Variants in ARHGEF7 observed in about 807,000 individuals in gnomAD.
ARHGEF7 encodes the protein Rho guanine nucleotide exchange factor 7, also known as PAK-interacting exchange factor beta.
ARHGEF7 carries 33 observed loss-of-function variants against 109.8 expected under a neutral mutation model. The ratio of observed to expected loss-of-function variants is 0.30; its 90% CI spans 0.23 to 0.40. The LOEUF is 0.40. Ranked by LOEUF, ARHGEF7 falls within the 10% of genes least tolerant of loss-of-function variation. The pLI is 1.00. For missense variants in ARHGEF7, 938 were observed against 1,098.5 expected (o/e 0.85, Z 2.07); for synonymous variants, 458 against 424.6 (o/e 1.08, Z -0.97).
chr13:111,204,607 G>C (rs2081562492), intron 2 of ARHGEF7, among the ~76,000 whole-genome samples: 1 of 152,178 alleles, frequency 6.6e-6, no homozygotes, highest in African/African-American at 2.4e-5. Flanking sequence ...CTCCAGGATG[G>C]TGGTGGGAAG....
At chr13:111,175,768 A>G (rs1935800210) in intron 2 of ARHGEF7, among the ~76,000 whole-genome samples, 1 of 152,202 alleles carries the variant, frequency 6.6e-6, no homozygotes, top group South Asian at 2.1e-4. Flanking sequence ...GTCTGTTCTC[A>G]CACTGCTATA....
At chr13:111,169,127 C>T (rs752440045) in intron 2 of ARHGEF7, among the ~76,000 whole-genome samples, 11 of 152,084 alleles carry the variant, frequency 7.2e-5, no homozygotes, top group Non-Finnish European at 1.3e-4. Context: ...GAGGCAAATC[C>T]GTTTAACATG....
chr13:111,193,834 A>G (rs2153450160), intron 2 of ARHGEF7, among the ~76,000 whole-genome samples: 1 of 152,286 alleles, frequency 6.6e-6, no homozygotes, highest in Middle Eastern at 3.4e-3. Flanking sequence ...ATAAGTCTGG[A>G]CTATAATTTG....
chr13:111,250,193 A>G (rs551974367), intron 8 of ARHGEF7, among the ~76,000 whole-genome samples: 19 of 152,350 alleles, frequency 1.2e-4, no homozygotes, highest in African/African-American at 3.8e-4. Flanking sequence ...AGAAACTGCA[A>G]TCTGCCTTCC....
chr13:111,242,667 A>G (rs2087996189), intron 6 of ARHGEF7, among the ~76,000 whole-genome samples: 1 of 152,220 alleles, frequency 6.6e-6, no homozygotes, highest in Non-Finnish European at 1.5e-5. Context: ...GTCCTTCAGG[A>G]TCCTCAGCGT....
chr13:111,204,135 A>T (rs2153464203), intron 2 of ARHGEF7, among the ~76,000 whole-genome samples: 1 of 152,232 alleles, frequency 6.6e-6, no homozygotes, highest in African/African-American at 2.4e-5. Flanking sequence ...AGGAAGCAAG[A>T]TGAATAAGGA....
chr13:111,234,557 T>G (rs1214706059), intron 6 of ARHGEF7, among the ~76,000 whole-genome samples: 2 of 152,206 alleles, frequency 1.3e-5, no homozygotes, highest in African/African-American at 2.4e-5. Context: ...CCATTTTTAC[T>G]GCTTCTTTTT....
At chr13:111,163,517 A>AAAAGTG (rs540760194) in intron 2 of ARHGEF7, among the ~76,000 whole-genome samples, 134 of 152,322 alleles carry the variant, frequency 8.8e-4, no homozygotes, top group African/African-American at 3.1e-3. Context: ...ACTACTTTAA[A>AAAAGTG]AAAGTGAAGC....
chr13:111,177,933 G>A (rs749305542), intron 2 of ARHGEF7, among the ~76,000 whole-genome samples: 18 of 152,142 alleles, frequency 1.2e-4, no homozygotes, highest in Non-Finnish European at 2.5e-4. Context: ...GCTTGAACTC[G>A]CACGCAGTGT....
chr13:111,218,091 T>C (rs562387742), intron 5 of ARHGEF7, among the ~76,000 whole-genome samples: 1 of 152,328 alleles, frequency 6.6e-6, no homozygotes, highest in East Asian at 1.9e-4. Flanking sequence ...GCATTTCCTT[T>C]CATCCTGGCA....
chr13:111,181,508 T>G lies in ARHGEF7; in HGVS notation c.253-23781T>G, dbSNP rs905573108. Among the ~76,000 whole-genome samples, 11 of 152,256 alleles carry G rather than the reference T, an allele frequency of 7.2e-5. No homozygotes were observed. The South Asian group carries it at 1.4e-3, about 20-fold the overall frequency. On this transcript the variant is annotated intron_variant, in intron 2 of 21. Coordinates refer to ENST00000646102, the MANE Select transcript of ARHGEF7 (RefSeq NM_001354046.2). The stretch of plus-strand genomic sequence containing the variant: ...TTTCTTGGATAGATCATGTTTTTTT[T>G]AAACAACAACAACAACTGGGGAGCA...
At chr13:111,119,147 G>C (rs1047523489) in intron 1 of ARHGEF7, among the ~76,000 whole-genome samples, 1 of 152,154 alleles carries the variant, frequency 6.6e-6, no homozygotes, top group Non-Finnish European at 1.5e-5. Context: ...CATGATGTCC[G>C]TGCTGTGGTT....
intron 8 of ARHGEF7, among the ~76,000 whole-genome samples, chr13:111,267,039 T>C (rs1048813062): frequency 1.4e-4 from 22 of 152,212 alleles, no homozygotes; most frequent in African/African-American, 5.3e-4. Context: ...CTCATGAGTT[T>C]ATGCTTCTTG....
chr13:111,269,897 C>T (rs988931913), intron 9 of ARHGEF7, among the ~76,000 whole-genome samples: 2 of 152,226 alleles, frequency 1.3e-5, no homozygotes, highest in Non-Finnish European at 2.9e-5. Flanking sequence ...TCTTGGTCCT[C>T]TTGCCAGCTT....
intron 2 of ARHGEF7, chr13:111,187,003 G>A (rs950804974): frequency 2.0e-5 from 20 of 985,730 alleles, no homozygotes; most frequent in Admixed American, 6.1e-5. Context: ...CAGTACTGAC[G>A]GGGTTGATTA....
At chr13:111,199,814 C>T (rs1372356250) in intron 2 of ARHGEF7, among the ~76,000 whole-genome samples, 1 of 152,130 alleles carries the variant, frequency 6.6e-6, no homozygotes, top group African/African-American at 2.4e-5. Flanking sequence ...GTGCTGGGTG[C>T]CCAGGAACAA....
intron 13 of ARHGEF7, among the ~76,000 whole-genome samples, chr13:111,278,608 G>A (rs1009380231): frequency 6.6e-6 from 1 of 152,228 alleles, no homozygotes. Flanking sequence ...ACAGACTCAG[G>A]AAAGTGAGGC....
At position 111,292,111 on chromosome 13, in the gene ARHGEF7, G is replaced by A. The variant is rs759026872; in HGVS notation, c.2135-7G>A. On this transcript the variant is annotated splice_region_variant and splice_polypyrimidine_tract_variant and intron_variant, in intron 18 of 21. Transcript: ENST00000646102. ...GTCGCGCCTGTCCCTCCGCCCGCCCGTCTTAGCATGGCAAGGCACTGACCT... is the reference window on the plus strand; with the variant it reads ...GTCGCGCCTGTCCCTCCGCCCGCCCATCTTAGCATGGCAAGGCACTGACCT... 1.9e-5 allele frequency: 31 copies of A among 1,611,220 alleles called. No individual in the cohort carries two copies. The highest frequency in any genetic ancestry group is 6.7e-5 in the East Asian group (3 of 44,860).
At position 111,153,916 on chromosome 13, in the gene ARHGEF7, G is replaced by C; in HGVS notation, c.177G>C (p.Glu59Asp). 4 of 1,605,328 alleles carry C rather than the reference G, an allele frequency of 2.5e-6. No homozygotes were observed. The highest frequency in any genetic ancestry group is 3.4e-6 in the Non-Finnish European group (4 of 1,177,212). Residue 59 changes from glutamate to aspartate, a missense_variant, in exon 2 of 22, where the codon GAG becomes GAC. Transcript: ENST00000646102. Reference protein sequence around the residue: ...LPGTIEKVYPEPRSESECLSN... With the variant: ...LPGTIEKVYPDPRSESECLSN... Reference sequence around the variant, plus strand: ...GCTCTGTATTGCAGGTCTACCCCGAGCCCCGGAGCGAGAGCGAGTGCCTGA... The same window carrying C: ...GCTCTGTATTGCAGGTCTACCCCGACCCCCGGAGCGAGAGCGAGTGCCTGA...
Sources: allele counts gnomAD v4.1 joint callset (sites outside exome capture counted in the v4.1 genomes callset), GRCh38; gene constraint gnomAD v4.1.1; transcripts MANE v1.5; gene names NCBI Gene and HGNC (gene_info 2026-07-23, HGNC 2026-07-21).